The following MUCL1 variants were observed in gnomAD, a reference collection of about 807,000 sequenced individuals.
MUCL1 encodes the protein mucin like 1, also known as mucin-like protein 1.
Under a neutral mutation model 9.2 loss-of-function variants are expected in MUCL1, and 11 were observed. The ratio of observed to expected loss-of-function variants is 1.19; its 90% CI spans 0.75 to 1.97. MUCL1 has a LOEUF of 1.97. Among genes scored for constraint, MUCL1 ranks in the 30% most tolerant of loss-of-function variants. The pLI is 0.00. For synonymous variants in MUCL1, 48 were observed against 40.5 expected (o/e 1.19, Z -0.71); for missense variants, 144 against 110.9 (o/e 1.30, Z -1.34).
At chr12:54,847,149 GCCTTCCTT>G in intron 1 of MUCL1, among the ~76,000 whole-genome samples, 1 of 152,236 alleles carries the variant, frequency 6.6e-6, no homozygotes, top group South Asian at 2.1e-4. Context: ...CAGCCTGTCT[GCCTTCCTT>G]CCTTCCTTCT....
chr12:54,858,185 T>G lies in MUCL1; in HGVS notation c.224-8T>G, dbSNP rs913186667. Reference sequence around the variant, plus strand: ...GAAGCCCCTTGACAATATTTTTTTCTCTTGCAGTTTTACCCAAATGGGTTG... The same window carrying G: ...GAAGCCCCTTGACAATATTTTTTTCGCTTGCAGTTTTACCCAAATGGGTTG... On this transcript the variant is annotated splice_polypyrimidine_tract_variant and splice_region_variant and intron_variant, in intron 3 of 3. Coordinates refer to ENST00000308796, the MANE Select transcript of MUCL1 (RefSeq NM_058173.3). The G allele has an allele frequency of 1.9e-6, 3 of 1,613,304 alleles. No individual in the cohort carries two copies. The African/African-American group carries it at 4.0e-5, about 22-fold the overall frequency.
rs577756567 is a variant in MUCL1 at position 54,832,132 on chromosome 12, A to T, written n.357+1257A>T. 3.9e-5 allele frequency among the ~76,000 whole-genome samples: 6 copies of T among 152,178 alleles called. No individual in the cohort carries two copies. The East Asian group carries it at 1.2e-3, about 29-fold the overall frequency. ...ATAAGAAAAATATAGAGCAAAAACT[A>T]AAGGATATAGGAAGTTGCAGAAGGC... is the stretch of plus-strand genomic sequence containing the variant. On this transcript the variant is annotated intron_variant and non_coding_transcript_variant, in intron 1 of 3. Transcript: ENST00000547990.
chr12:54,848,859 C>T (rs547785351), intron 1 of MUCL1, among the ~76,000 whole-genome samples: 1 of 152,220 alleles, frequency 6.6e-6, no homozygotes, highest in Admixed American at 6.5e-5. Flanking sequence ...GTTGGTAATA[C>T]ATATTAAATT....
At chr12:54,851,976 A>G (rs1868249259), upstream of MUCL1, among the ~76,000 whole-genome samples, 1 of 152,234 alleles carries the variant, frequency 6.6e-6, no homozygotes, top group South Asian at 2.1e-4. Context: ...TCCAAAGAGA[A>G]CTACAAATCA....
chr12:54,844,966 T>A (rs1309369025), intron 1 of MUCL1, among the ~76,000 whole-genome samples: 1 of 151,908 alleles, frequency 6.6e-6, no homozygotes, highest in Non-Finnish European at 1.5e-5. Context: ...ACTGAAGGAA[T>A]GTCTTATCTC....
intron 2 of MUCL1, among the ~76,000 whole-genome samples, chr12:54,856,115 AT>A (rs35639380): frequency 0.45 from 68,633 of 151,930 alleles, 16,777 homozygotes; most frequent in East Asian, 0.84. Flanking sequence ...TTAATGGGGA[AT>A]TTTTTTACTA....
chr12:54,838,820 T>C (rs1296373687), upstream of MUCL1, among the ~76,000 whole-genome samples: 1 of 152,090 alleles, frequency 6.6e-6, no homozygotes, highest in East Asian at 1.9e-4. Context: ...TTTTTCATTA[T>C]TATCCTGAAT....
intron 3 of MUCL1, among the ~76,000 whole-genome samples, chr12:54,857,310 CTT>C (rs1161372154): frequency 2.7e-5 from 4 of 149,900 alleles, no homozygotes; most frequent in Non-Finnish European, 4.4e-5. Context: ...CAAGTAAAAT[CTT>C]TGTTTCCTTT....
At chr12:54,839,583 C>T in intron 1 of MUCL1, 3 of 683,776 alleles carry the variant, frequency 4.4e-6, no homozygotes, top group East Asian at 2.7e-5. Flanking sequence ...TGTCAAGTCG[C>T]AGGAAAATGA....
chr12:54,843,325 G>A (rs1288111460), intron 1 of MUCL1, among the ~76,000 whole-genome samples: 2 of 152,106 alleles, frequency 1.3e-5, no homozygotes, highest in Admixed American at 1.3e-4. Context: ...TAATGAATGG[G>A]TATTGAATTT....
intron 1 of MUCL1, among the ~76,000 whole-genome samples, chr12:54,846,180 G>A (rs937008599): frequency 1.3e-5 from 2 of 152,196 alleles, no homozygotes; most frequent in Non-Finnish European, 2.9e-5. Flanking sequence ...GGTCCATTGA[G>A]CTGGTTAACA....
intron 1 of MUCL1, among the ~76,000 whole-genome samples, chr12:54,842,671 A>G (rs1697778137): frequency 6.6e-6 from 1 of 152,158 alleles, no homozygotes; most frequent in Non-Finnish European, 1.5e-5. Flanking sequence ...AACATCTTAT[A>G]GTTGATTTTA....
intron 1 of MUCL1, among the ~76,000 whole-genome samples, chr12:54,833,786 A>G (rs1457164773): frequency 7.2e-6 from 1 of 139,324 alleles, no homozygotes; most frequent in Non-Finnish European, 1.6e-5. Context: ...ACACATGAAC[A>G]CAGGAAGGGG....
At chr12:54,835,331 T>C (rs916404202), upstream of MUCL1, among the ~76,000 whole-genome samples, 5 of 152,122 alleles carry the variant, frequency 3.3e-5, no homozygotes, top group Non-Finnish European at 7.4e-5. Flanking sequence ...GAACTCTCCA[T>C]ACTGTTTTCC....
At position 54,858,334 on chromosome 12, in the gene MUCL1, C is replaced by T. The variant is rs1322551335; in HGVS notation, c.*92C>T. On this transcript the variant is annotated 3_prime_UTR_variant, in exon 4 of 4. Transcript: ENST00000308796. Reference sequence around the variant, plus strand: ...CTACTTACCTTGCCTACGATATCCCCTTTATCTCTAATCAGTTTATTTTCT... The same window carrying T: ...CTACTTACCTTGCCTACGATATCCCTTTTATCTCTAATCAGTTTATTTTCT... The T allele has an allele frequency of 1.4e-6, 2 of 1,402,270 alleles. No homozygotes were observed. Among genetic ancestry groups the T allele is most frequent in the Non-Finnish European group, 2.0e-6 (2 of 991,824 alleles). The allele number at this position is 1,402,270 out of a possible 1,614,324, so 86.9% of individuals were successfully genotyped here. A position where few individuals can be genotyped will look rare whatever the true frequency, so the allele number is the denominator to read the frequency against.
intron 1 of MUCL1, among the ~76,000 whole-genome samples, chr12:54,846,605 G>T (rs1959260074): frequency 6.6e-6 from 1 of 152,134 alleles, no homozygotes; most frequent in African/African-American, 2.4e-5. Flanking sequence ...GCCATGACTG[G>T]GGAAACAATG....
intron 1 of MUCL1, among the ~76,000 whole-genome samples, chr12:54,849,021 T>A (rs1959297705): frequency 6.6e-6 from 1 of 152,116 alleles, no homozygotes; most frequent in African/African-American, 2.4e-5. Flanking sequence ...AAGCAGGTAA[T>A]GCTAGAGTAA....
At chr12:54,850,717 T>A (rs1343412666), upstream of MUCL1, among the ~76,000 whole-genome samples, 1 of 152,222 alleles carries the variant, frequency 6.6e-6, no homozygotes, top group Non-Finnish European at 1.5e-5. Context: ...TAGTTCTAGA[T>A]CCTTGAGGAA....
chr12:54,855,167 C>T lies in MUCL1; in HGVS notation c.100+10C>T. On this transcript the variant is annotated intron_variant, in intron 2 of 3. Coordinates refer to ENST00000308796, the MANE Select transcript of MUCL1 (RefSeq NM_058173.3). ...GACACGTATCCAGCTAGTGAGTCTG[C>T]ACTTGAATGTCATCTCTTTCCAGCA... 3 of 1,612,106 alleles carry T rather than the reference C, an allele frequency of 1.9e-6. No homozygotes were observed. Among genetic ancestry groups the T allele is most frequent in the Non-Finnish European group, 2.5e-6 (3 of 1,178,530 alleles).
Sources: allele counts gnomAD v4.1 joint callset (sites outside exome capture counted in the v4.1 genomes callset), GRCh38; gene constraint gnomAD v4.1.1; transcripts MANE v1.5; gene names NCBI Gene and HGNC (gene_info 2026-07-23, HGNC 2026-07-21).